CGNL1: variants seen among roughly 807,000 people sequenced by gnomAD.
The protein encoded by CGNL1 is cingulin like 1.
Under a neutral mutation model 141.2 loss-of-function variants are expected in CGNL1, and 132 were observed. The ratio of observed to expected loss-of-function variants is 0.93; its 90% CI spans 0.81 to 1.08. The LOEUF is 1.08. CGNL1 is among the 50% of genes least tolerant of loss of function. The probability of loss-of-function intolerance (pLI) is 0.00; values close to 1 mark genes in which losing one functional copy is unlikely to be tolerated. For missense variants in CGNL1, 1,870 were observed against 1,588.6 expected (o/e 1.18, Z -3.01); for synonymous variants, 690 against 622.1 (o/e 1.11, Z -1.63).
intron 1 of CGNL1, among the ~76,000 whole-genome samples, chr15:57,401,189 G>A (rs551311088): frequency 1.2e-3 from 184 of 152,170 alleles, no homozygotes; most frequent in Non-Finnish European, 2.4e-3. Context: ...CCTTGGTATA[G>A]ATATATCGTA....
chr15:57,488,445 T>C (rs1595757204), intron 8 of CGNL1, among the ~76,000 whole-genome samples: 1 of 152,224 alleles, frequency 6.6e-6, no homozygotes, highest in Non-Finnish European at 1.5e-5. Context: ...TTGTGTTGTA[T>C]CTAAGAAACC....
chr15:57,379,716 T>C (rs1218852610), intron 1 of CGNL1, among the ~76,000 whole-genome samples: 2 of 152,084 alleles, frequency 1.3e-5, no homozygotes, highest in Non-Finnish European at 2.9e-5. Flanking sequence ...AAACCAAAAA[T>C]TGGGTAATTT....
chr15:57,432,573 C>A (rs942810263), intron 1 of CGNL1, among the ~76,000 whole-genome samples: 1 of 152,198 alleles, frequency 6.6e-6, no homozygotes, highest in Non-Finnish European at 1.5e-5. Flanking sequence ...GATTGATCAG[C>A]GTTTACTGCC....
rs1459847969 is a variant in CGNL1 at position 57,438,015 on chromosome 15, G to A, written c.16G>A (p.Gly6Ser). Residue 6 changes from glycine (G) to serine (S), a missense_variant, in exon 2 of 19, where the codon GGT becomes AGT. Coordinates refer to ENST00000281282, the MANE Select transcript of CGNL1 (RefSeq NM_032866.5). MELYF[G>S]EYQHVQQEYG... ...ACAGTGAACCATGGAGCTGTATTTC[G>A]GTGAATATCAACATGTGCAGCAGGA... is the stretch of plus-strand genomic sequence containing the variant. 6.8e-6 allele frequency: 11 copies of A among 1,611,822 alleles called. No individual in the cohort carries two copies. Among genetic ancestry groups the A allele is most frequent in the East Asian group, 2.2e-5 (1 of 44,896 alleles).
At position 57,386,487 on chromosome 15, in the gene CGNL1, G is replaced by A. The variant is rs543792385; in HGVS notation, c.-16+9920G>A. Among the ~76,000 whole-genome samples, 12 of 152,232 alleles carry A rather than the reference G, an allele frequency of 7.9e-5. No individual in the cohort carries two copies. In the East Asian group the frequency reaches 1.4e-3, roughly 17 times the overall value. On this transcript the variant is annotated intron_variant, in intron 1 of 18. Transcript: ENST00000281282. ...GCTCAACAAAGAATATCTGTGTTAC[G>A]GGCATAGTAGGAGGCCCCCCAAATA...
intron 8 of CGNL1, among the ~76,000 whole-genome samples, chr15:57,504,942 G>A (rs1028229034): frequency 6.6e-6 from 1 of 152,180 alleles, no homozygotes; most frequent in Non-Finnish European, 1.5e-5. Flanking sequence ...ACAGATGAGG[G>A]CTGGCCCTAG....
intron 7 of CGNL1, among the ~76,000 whole-genome samples, chr15:57,461,122 T>C (rs1194950716): frequency 2.6e-5 from 4 of 152,176 alleles, no homozygotes; most frequent in African/African-American, 9.7e-5. Flanking sequence ...TGCCCCAGCT[T>C]TGTGACCTTC....
intron 8 of CGNL1, among the ~76,000 whole-genome samples, chr15:57,470,053 T>C (rs1348285526): frequency 6.6e-6 from 1 of 152,160 alleles, no homozygotes; most frequent in African/African-American, 2.4e-5. Context: ...CCTCTGCATT[T>C]TAACTTCAAA....
chr15:57,416,364 G>T (rs1296949663), intron 1 of CGNL1, among the ~76,000 whole-genome samples: 2 of 152,068 alleles, frequency 1.3e-5, no homozygotes, highest in Non-Finnish European at 2.9e-5. Flanking sequence ...TCTGTTCCCA[G>T]TGCTGTTGGA....
intron 1 of CGNL1, among the ~76,000 whole-genome samples, chr15:57,404,692 G>C (rs933832173): frequency 6.6e-6 from 1 of 152,164 alleles, no homozygotes; most frequent in African/African-American, 2.4e-5. Flanking sequence ...AAGGCTCAGA[G>C]AACCCCAAAT....
chr15:57,468,234 C>CTTTTTTTTTTTTTTTTTTT (rs57360097), intron 8 of CGNL1, among the ~76,000 whole-genome samples: 1 of 85,916 alleles, frequency 1.2e-5, no homozygotes, highest in African/African-American at 5.0e-5. Context: ...TTTTCTTTTT[C>CTTTTTTTTTTTTTTTTTTT]TTTTTTTTTT....
At chr15:57,421,337 T>C (rs1595685932) in intron 1 of CGNL1, among the ~76,000 whole-genome samples, 1 of 152,190 alleles carries the variant, frequency 6.6e-6, no homozygotes, top group East Asian at 1.9e-4. Context: ...CCATTATATA[T>C]AGAAAAAGTA....
chr15:57,384,695 T>A (rs1435672530), intron 1 of CGNL1, among the ~76,000 whole-genome samples: 1 of 152,156 alleles, frequency 6.6e-6, no homozygotes, highest in Non-Finnish European at 1.5e-5. Context: ...TTTAAAAAAA[T>A]TGCCATAAAC....
intron 10 of CGNL1, 49 bp from the exon 11 acceptor site, chr15:57,523,440 G>T: frequency 6.3e-7 from 1 of 1,599,790 alleles, no homozygotes; most frequent in Non-Finnish European, 8.5e-7. Flanking sequence ...CGTTCCTGTG[G>T]CTACCTGGTT....
intron 8 of CGNL1, among the ~76,000 whole-genome samples, chr15:57,462,876 T>A (rs1460908730): frequency 6.6e-6 from 1 of 151,932 alleles, no homozygotes; most frequent in Admixed American, 6.6e-5. Flanking sequence ...CCTGTCTTAT[T>A]TTTTTTTAGA....
intron 7 of CGNL1, 26 bp from the exon 8 acceptor site, chr15:57,461,651 CCTT>C (rs746371083): frequency 1.3e-6 from 2 of 1,591,604 alleles, no homozygotes; most frequent in East Asian, 2.2e-5. Flanking sequence ...TTCATTGTCA[CCTT>C]CTCCCTTCGT....
chr15:57,377,412 G>T (rs2062376747), intron 1 of CGNL1, among the ~76,000 whole-genome samples: 2 of 152,076 alleles, frequency 1.3e-5, no homozygotes, highest in Admixed American at 6.6e-5. Context: ...GGCTTGCCTG[G>T]GTTGCAGCCT....
intron 3 of CGNL1, among the ~76,000 whole-genome samples, chr15:57,441,379 T>A (rs1271125429): frequency 3.3e-5 from 5 of 152,132 alleles, no homozygotes; most frequent in South Asian, 2.1e-4. Flanking sequence ...ATTTTTTTTT[T>A]ATTTTTTGGG....
At chr15:57,413,094 C>T (rs528290120) in intron 1 of CGNL1, among the ~76,000 whole-genome samples, 7 of 152,198 alleles carry the variant, frequency 4.6e-5, no homozygotes, top group East Asian at 1.9e-4. Flanking sequence ...CTCCTGACCC[C>T]GTGATCCACT....
Sources: gnomAD v4.1 joint callset for allele counts (sites outside exome capture counted in the v4.1 genomes callset) on GRCh38, gnomAD v4.1.1 for gene constraint, MANE v1.5 for transcripts, NCBI Gene and HGNC (gene_info 2026-07-23, HGNC 2026-07-21) for gene names.